CCDC141: variants seen among roughly 807,000 people sequenced by gnomAD.
CCDC141 encodes the protein coiled-coil domain containing 141.
In CCDC141, 168 loss-of-function variants were observed where a neutral mutation model predicts 181.0. The observed-to-expected ratio is 0.93, with a 90% CI of 0.82 to 1.05. The LOEUF is 1.05. Among genes scored for constraint, CCDC141 ranks in the 50% least tolerant of loss-of-function variants. The probability of loss-of-function intolerance (pLI) is 0.00; values close to 1 mark genes in which losing one functional copy is unlikely to be tolerated. For missense variants in CCDC141, 1,902 were observed against 1,788.5 expected (o/e 1.06, Z -1.14); for synonymous variants, 666 against 642.3 (o/e 1.04, Z -0.56).
At chr2:178,892,289 T>C (rs1476433629) in intron 8 of CCDC141, among the ~76,000 whole-genome samples, 2 of 152,200 alleles carry the variant, frequency 1.3e-5, no homozygotes, top group African/African-American at 4.8e-5. Context: ...CTGTGCACCA[T>C]TGCCCGTCCT....
intron 7 of CCDC141, among the ~76,000 whole-genome samples, chr2:178,915,029 A>G (rs886630388): frequency 6.6e-6 from 1 of 152,006 alleles, no homozygotes; most frequent in African/African-American, 2.4e-5. Flanking sequence ...CAAAAAATAC[A>G]AAAAATTAGC....
At chr2:179,005,500 T>C (rs2042099444) in intron 2 of CCDC141, among the ~76,000 whole-genome samples, 1 of 152,170 alleles carries the variant, frequency 6.6e-6, no homozygotes, top group African/African-American at 2.4e-5. Flanking sequence ...AAAGTAACAT[T>C]GTAATGAACA....
rs760497057 is a variant in CCDC141, at chr2:178,888,621, C to T, written c.1313G>A (p.Arg438Gln). The change falls in exon 9 of 24, where the codon CGA becomes CAA. Residue 438 changes from arginine (R) to glutamine (Q), a missense_variant. Physicochemically the swap from Arg to Gln is conservative, Grantham distance 43. Coordinates refer to ENST00000443758, the MANE Select transcript of CCDC141 (RefSeq NM_173648.4). ...IHEMMGCIKR[R>Q]VDHLTEQCSA... The stretch of plus-strand genomic sequence containing the variant: ...ACACTGTTCGGTCAGATGATCCACT[C>T]GTCTCTTAATGCACCCCATCATCTC... 4.7e-5 allele frequency: 73 copies of T among 1,550,766 alleles called. No individual in the cohort carries two copies. The African/African-American group carries it at 6.3e-4, about 13-fold the overall frequency.
rs768794326 is a variant in CCDC141 at position 178,856,356 on chromosome 2, A to G, written c.2766T>C (p.Asn922=). The G allele has an allele frequency of 6.7e-5, 107 of 1,603,568 alleles. No homozygotes were observed. The highest frequency in any genetic ancestry group is 8.7e-5 in the Non-Finnish European group (102 of 1,172,612). The part of the protein sequence containing the change: ...SFKDIKKKFN[N]LKFNYTKKNE... ...TTTTCTTAGTGTAATTAAACTTCAA[A>G]TTATTGAATTTCTTTTTGATATCTT... is the stretch of plus-strand genomic sequence containing the variant. Residue 922 remains asparagine (N), a synonymous_variant, in exon 18 of 24, where the codon AAT becomes AAC. Transcript: ENST00000443758.
rs992805805 is a variant in CCDC141, at chr2:179,007,132, T to G, written c.226-28457A>C. Among the ~76,000 whole-genome samples the G allele has an allele frequency of 5.3e-5, 8 of 152,304 alleles. No homozygotes were observed. The Middle Eastern group carries it at 0.01, about 194-fold the overall frequency. On this transcript the variant is annotated intron_variant, in intron 2 of 23. Transcript: ENST00000443758. ...GGAAAATCAGGTTCCACAGAATCTT[T>G]TCTGCTGAGGGTATCTGTAAAGATT...
At chr2:178,917,912 C>T (rs555358605) in intron 7 of CCDC141, among the ~76,000 whole-genome samples, 5 of 152,320 alleles carry the variant, frequency 3.3e-5, no homozygotes, top group South Asian at 2.1e-4. Flanking sequence ...TCTAGCCTTA[C>T]GGCTTGTGTG....
chr2:179,034,262 G>A lies in CCDC141; in HGVS notation c.225+13022C>T, dbSNP rs1334743802. On this transcript the variant is annotated intron_variant, in intron 2 of 23. Transcript: ENST00000443758. ...GGAGGAACAGAAAACCAAATTTTGCGTGTTCTCACTTGTAAGTGGGAGCTA... is the reference window on the plus strand; with the variant it reads ...GGAGGAACAGAAAACCAAATTTTGCATGTTCTCACTTGTAAGTGGGAGCTA... 2.6e-5 allele frequency among the ~76,000 whole-genome samples: 4 copies of A among 152,150 alleles called. No homozygotes were observed. The East Asian group carries it at 5.8e-4, about 22-fold the overall frequency.
chr2:179,009,279 A>T (rs1297550491), intron 2 of CCDC141, among the ~76,000 whole-genome samples: 3 of 152,002 alleles, frequency 2.0e-5, no homozygotes, highest in African/African-American at 4.8e-5. Context: ...TAAATGTCCA[A>T]CTTCTGATGT....
the CCDC141 span, among the ~76,000 whole-genome samples, chr2:178,824,297 TAG>T: frequency 6.6e-6 from 1 of 152,084 alleles, no homozygotes; most frequent in East Asian, 1.9e-4. Context: ...TACAATGGAT[TAG>T]AGTCAGAGCA....
At position 178,856,379 on chromosome 2, in the gene CCDC141, C is replaced by T. The variant is rs148223435; in HGVS notation, c.2743G>A (p.Asp915Asn). ...EINELKDSFK[D>N]IKKKFNNLKF... ...AAATTATTGAATTTCTTTTTGATAT[C>T]TTTGAATGAGTCTTTGAGCTGTAGT... The change falls in exon 18 of 24, where the codon GAT becomes AAT. Residue 915 changes from aspartate to asparagine, a missense_variant. Transcript: ENST00000443758. 1.9e-6 allele frequency: 3 copies of T among 1,592,730 alleles called. No individual in the cohort carries two copies. Among genetic ancestry groups the T allele is most frequent in the Non-Finnish European group, 2.6e-6 (3 of 1,165,472 alleles).
At position 178,905,394 on chromosome 2, in the gene CCDC141, A is replaced by G. The variant is rs371556408; in HGVS notation, c.1200T>C (p.Ile400=). Residue 400 remains isoleucine, a synonymous_variant, in exon 8 of 24, where the codon ATT becomes ATC. Transcript: ENST00000443758. Reference sequence around the variant, plus strand: ...GCAAAGCATCAGTTGTGCAGTCTTTAATTTTTCTGTGTAATTCCTCATGCC... The same window carrying G: ...GCAAAGCATCAGTTGTGCAGTCTTTGATTTTTCTGTGTAATTCCTCATGCC... ...AVRHEELHRK[I]KDCTTDALQK... 1 of 1,550,758 alleles carries G rather than the reference A, an allele frequency of 6.4e-7. No individual in the cohort carries two copies. The highest frequency in any genetic ancestry group is 2.4e-5 in the East Asian group (1 of 40,900).
chr2:178,989,663 A>G (rs1353999011), intron 2 of CCDC141, among the ~76,000 whole-genome samples: 3 of 150,358 alleles, frequency 2.0e-5, no homozygotes, highest in Non-Finnish European at 3.0e-5. Flanking sequence ...AAGGACAACA[A>G]TACAATCATA....
chr2:178,876,397 G>A (rs929635018), intron 12 of CCDC141: 2 of 152,174 alleles, frequency 1.3e-5, no homozygotes, highest in African/African-American at 2.4e-5. Flanking sequence ...AGTGCAATAA[G>A]TTCATTACTT....
the CCDC141 span, among the ~76,000 whole-genome samples, chr2:178,821,827 C>G: frequency 6.6e-6 from 1 of 152,160 alleles, no homozygotes; most frequent in Admixed American, 6.5e-5. Flanking sequence ...TAAACTAGTT[C>G]AACCATTGTG....
intron 10 of CCDC141, among the ~76,000 whole-genome samples, chr2:178,886,533 C>A (rs1008070352): frequency 1.3e-5 from 2 of 152,200 alleles, no homozygotes; most frequent in East Asian, 1.9e-4. Context: ...TAATACCCAG[C>A]CGTAATGCTG....
At chr2:178,983,309 A>G (rs1185838115) in intron 2 of CCDC141, among the ~76,000 whole-genome samples, 1 of 152,144 alleles carries the variant, frequency 6.6e-6, no homozygotes, top group Non-Finnish European at 1.5e-5. Flanking sequence ...CCAAAAACCC[A>G]TCTGTACATC....
Position 178,983,215 on chromosome 2 carries a change from C to T in CCDC141, c.226-4540G>A, listed in dbSNP as rs556890746. Among the ~76,000 whole-genome samples, 9 of 152,306 alleles carry T rather than the reference C, an allele frequency of 5.9e-5. No homozygotes were observed. The East Asian group carries it at 1.5e-3, about 26-fold the overall frequency. On this transcript the variant is annotated intron_variant, in intron 2 of 23. Transcript: ENST00000443758. ...CTCCAGCAGGGGCACACTGACACCT[C>T]ACACTGCAGGGTACTCCAACAGACC...
At chr2:179,016,628 T>C (rs1007979601) in intron 2 of CCDC141, among the ~76,000 whole-genome samples, 1 of 152,118 alleles carries the variant, frequency 6.6e-6, no homozygotes, top group Admixed American at 6.6e-5. Flanking sequence ...TTACTAACTA[T>C]TGAGTGAACT....
chr2:178,893,799 TCACACACACACACACACACACA>T (rs56229236), intron 8 of CCDC141, among the ~76,000 whole-genome samples: 1 of 143,638 alleles, frequency 7.0e-6, no homozygotes, highest in Non-Finnish European at 1.5e-5. Context: ...TCTCTCTCTC[TCACACACACACACACACACACA>T]CGCACACACA....
Sources: allele counts gnomAD v4.1 joint callset (sites outside exome capture counted in the v4.1 genomes callset), GRCh38; gene constraint gnomAD v4.1.1; transcripts MANE v1.5; gene names NCBI Gene and HGNC (gene_info 2026-07-23, HGNC 2026-07-21).